The following PSMG4 variants were observed in gnomAD, a reference collection of about 807,000 sequenced individuals.
PSMG4 encodes proteasome (prosome, macropain) assembly chaperone 4.
In PSMG4, 10 loss-of-function variants were observed where a neutral mutation model predicts 11.0. The ratio of observed to expected loss-of-function variants is 0.91; its 90% CI spans 0.56 to 1.54. The LOEUF is 1.54. PSMG4 is among the 40% of genes most tolerant of loss of function. The pLI, the probability that PSMG4 is intolerant of heterozygous loss-of-function variation, is 0.00. For synonymous variants in PSMG4, 95 were observed against 71.3 expected (o/e 1.33, Z -1.68); for missense variants, 198 against 160.9 (o/e 1.23, Z -1.25).
At chr6:3,256,605 G>A (rs146000404), upstream of PSMG4, among the ~76,000 whole-genome samples, 89 of 151,628 alleles carry the variant, frequency 5.9e-4, no homozygotes, top group African/African-American at 2.2e-3. Context: ...GCATCATAAT[G>A]TTTTTGGGGG....
At chr6:3,259,859 G>T (rs4959783) in intron 1 of PSMG4, among the ~76,000 whole-genome samples, 2 of 152,098 alleles carry the variant, frequency 1.3e-5, no homozygotes, top group Non-Finnish European at 2.9e-5. Context: ...CCGGCTTTGC[G>T]TGTCGCCGCC....
intron 2 of PSMG4, chr6:3,264,391 T>C: frequency 1.3e-6 from 2 of 1,514,126 alleles, no homozygotes; most frequent in South Asian, 2.6e-5. Context: ...ACAGGATGCC[T>C]GTCTCCTGCC....
chr6:3,255,254 C>A, upstream of PSMG4: 2 of 1,548,054 alleles, frequency 1.3e-6, no homozygotes, highest in South Asian at 1.2e-5. Context: ...CTGTTGGGTT[C>A]TGTGTTACCA....
At chr6:3,265,763 C>T (rs1407868228) in intron 2 of PSMG4, 1 of 152,220 alleles carries the variant, frequency 6.6e-6, no homozygotes, top group African/African-American at 2.4e-5. Context: ...TCCTCACTCC[C>T]CGCAGGGCTG....
chr6:3,255,182 C>CTGGTGGAAGTAGGATGTT, upstream of PSMG4: 9 of 1,550,688 alleles, frequency 5.8e-6, no homozygotes, highest in Non-Finnish European at 7.8e-6. Context: ...CATGTGCGCT[C>CTGGTGGAAGTAGGATGTT]TGGTGGAAGT....
At chr6:3,262,668 C>T (rs897125379) in intron 1 of PSMG4, among the ~76,000 whole-genome samples, 3 of 152,112 alleles carry the variant, frequency 2.0e-5, no homozygotes, top group Non-Finnish European at 4.4e-5. Flanking sequence ...AACCAAACCC[C>T]AAAGTCTCTG....
chr6:3,262,425 C>A (rs911356759), intron 1 of PSMG4, among the ~76,000 whole-genome samples: 5 of 152,224 alleles, frequency 3.3e-5, no homozygotes, highest in African/African-American at 9.6e-5. Context: ...CTGTAAACAG[C>A]AGGCTCATTA....
At chr6:3,266,228 C>G (rs1009592581) in intron 2 of PSMG4, 1 of 151,954 alleles carries the variant, frequency 6.6e-6, no homozygotes, top group East Asian at 1.9e-4. Flanking sequence ...TGCACCTGCG[C>G]CCCTGAGCCA....
chr6:3,259,861 G>A (rs1757911322), intron 1 of PSMG4, among the ~76,000 whole-genome samples: 2 of 152,190 alleles, frequency 1.3e-5, no homozygotes, highest in African/African-American at 4.8e-5. Context: ...GGCTTTGCGT[G>A]TCGCCGCCTG....
At chr6:3,267,462 A>C in intron 2 of PSMG4, 129 bp from the exon 3 acceptor site, 1 of 1,061,480 alleles carries the variant, frequency 9.4e-7, no homozygotes, top group Non-Finnish European at 1.3e-6. Flanking sequence ...AGGCATGGAG[A>C]TTAGAGCTTT....
intron 2 of PSMG4, chr6:3,265,623 T>C (rs1034405682): frequency 1.4e-5 from 2 of 146,552 alleles, no homozygotes; most frequent in Admixed American, 1.4e-4. Flanking sequence ...CTAGGCAGCC[T>C]TGGTGAGCCC....
chr6:3,255,093 G>A (rs9503497), upstream of PSMG4: 1,252,742 of 1,550,766 alleles, frequency 0.81, 510,713 homozygotes, highest in Non-Finnish European at 0.84. Flanking sequence ...TAAGAAGTTG[G>A]CTGCATAGGA....
intron 2 of PSMG4, chr6:3,265,538 G>A (rs1336333912): frequency 6.6e-6 from 1 of 150,892 alleles, no homozygotes; most frequent in African/African-American, 2.5e-5. Flanking sequence ...TGGAATACCA[G>A]GGGGGCCCCC....
chr6:3,260,321 T>G (rs9503502), intron 1 of PSMG4, among the ~76,000 whole-genome samples: 1 of 130,688 alleles, frequency 7.7e-6, no homozygotes, highest in Non-Finnish European at 1.6e-5. Context: ...AAGCAAAGTC[T>G]TGCTCTGTCG....
chr6:3,264,511 CTG>C (rs1758112159), intron 2 of PSMG4: 1 of 1,174,690 alleles, frequency 8.5e-7, no homozygotes, highest in Admixed American at 3.0e-5. Flanking sequence ...GTCAGTCACA[CTG>C]AGGCAAATGC....
upstream of PSMG4, among the ~76,000 whole-genome samples, chr6:3,256,326 T>C (rs558419176): frequency 1.0e-3 from 155 of 152,382 alleles, 1 homozygote; most frequent in African/African-American, 3.4e-3. Flanking sequence ...TGACCCCTGA[T>C]GGGTCCACAG....
upstream of PSMG4, chr6:3,255,195 G>T (rs769591333): frequency 8.4e-6 from 13 of 1,550,496 alleles, no homozygotes; most frequent in Non-Finnish European, 9.6e-6. Flanking sequence ...GTGGAAGTAG[G>T]ATGTTTGGTG....
At chr6:3,255,367 G>A, upstream of PSMG4, 1 of 1,428,232 alleles carries the variant, frequency 7.0e-7, no homozygotes. Context: ...TTTTTCCTGT[G>A]GTGGATGATG....
At chr6:3,254,993 C>G (rs561572887), upstream of PSMG4, 3 of 1,524,770 alleles carry the variant, frequency 2.0e-6, no homozygotes, top group African/African-American at 4.1e-5. Context: ...TCCCATGGAC[C>G]TAGCGCACTC....
Sources: allele counts gnomAD v4.1 joint callset (sites outside exome capture counted in the v4.1 genomes callset), GRCh38; gene constraint gnomAD v4.1.1; transcripts MANE v1.5; gene names NCBI Gene and HGNC (gene_info 2026-07-23, HGNC 2026-07-21).